GNB4: variants seen among roughly 807,000 people sequenced by gnomAD.
GNB4 encodes the protein guanine nucleotide-binding protein subunit beta-4.
In GNB4, 28 loss-of-function variants were observed where a neutral mutation model predicts 45.2. The observed-to-expected ratio is 0.62, with a 90% CI of 0.46 to 0.85. The LOEUF is 0.85. GNB4 is among the 40% of genes least tolerant of loss of function. GNB4 has a pLI of 0.00. For synonymous variants in GNB4, 132 were observed against 143.7 expected (o/e 0.92, Z 0.58); for missense variants, 321 against 425.4 (o/e 0.75, Z 2.16).
the GNB4 span, chr3:179,464,592 T>C: frequency 3.4e-5 from 48 of 1,410,648 alleles, 1 homozygote; most frequent in South Asian, 5.4e-4. Context: ...TGCAAGTCAC[T>C]CCTACGTCCT....
chr3:179,418,470 CAAAAAAAAAAAAA>C (rs386356535), intron 4 of GNB4, among the ~76,000 whole-genome samples: 4,101 of 95,432 alleles, frequency 0.043, 94 homozygotes, highest in Middle Eastern at 0.11. Context: ...AACTCTGTCT[CAAAAAAAAAAAAA>C]AAAAAGAAAA....
rs758969360 is a variant in GNB4, at chr3:179,414,878, A to G, written c.430+7T>C. ...TGTGGTGGGAAAGAATATTTAGGGA[A>G]GCTCACCTGTGTGACCTGGCAACTC... On this transcript the variant is annotated splice_region_variant and intron_variant, in intron 6 of 9. Transcript: ENST00000232564. 3.2e-6 allele frequency: 5 copies of G among 1,567,388 alleles called. No individual in the cohort carries two copies. The highest frequency in any genetic ancestry group is 4.4e-6 in the Non-Finnish European group (5 of 1,146,988).
chr3:179,503,143 G>T, the GNB4 span, among the ~76,000 whole-genome samples: 1 of 152,142 alleles, frequency 6.6e-6, no homozygotes, highest in Non-Finnish European at 1.5e-5. Context: ...ATCAAATGGT[G>T]CATTTAAGAT....
the GNB4 span, among the ~76,000 whole-genome samples, chr3:179,489,005 AAAAAAAAAAAAAAAATATATATAT>A: frequency 8.4e-4 from 32 of 38,248 alleles, 1 homozygote; most frequent in Non-Finnish European, 1.3e-3. Flanking sequence ...AAAAAAAAAA[AAAAAAAAAAAAAAAATATATATAT>A]ATATATATAT....
the GNB4 span, among the ~76,000 whole-genome samples, chr3:179,477,412 T>C: frequency 6.6e-6 from 1 of 152,220 alleles, no homozygotes; most frequent in African/African-American, 2.4e-5. Flanking sequence ...AATTATGTTT[T>C]CCATAAAGCC....
the GNB4 span, among the ~76,000 whole-genome samples, chr3:179,457,643 T>C: frequency 6.6e-6 from 1 of 152,216 alleles, no homozygotes; most frequent in Non-Finnish European, 1.5e-5. Flanking sequence ...AAGTAGTTAA[T>C]GTGCTCTCAG....
rs569292968 is a variant in GNB4, at chr3:179,419,712, G to A, written c.97-207C>T. Among the ~76,000 whole-genome samples the A allele has an allele frequency of 1.3e-3, 192 of 152,190 alleles. 1 individual carries two copies. The highest frequency in any genetic ancestry group is 4.4e-3 in the African/African-American group (183 of 41,514). On this transcript the variant is annotated intron_variant, in intron 3 of 9. Coordinates refer to ENST00000232564, the MANE Select transcript of GNB4 (RefSeq NM_021629.4). ...TTAGTTTAAAATAATCCTATGTGCT[G>A]TTATAAATAATATACATAAATGTAT...
intron 1 of GNB4, among the ~76,000 whole-genome samples, chr3:179,428,517 A>C (rs1226572868): frequency 1.3e-5 from 2 of 152,178 alleles, no homozygotes. Context: ...ACAGTCCTAG[A>C]AACTCTCATT....
chr3:179,422,583 T>G (rs551349264), intron 2 of GNB4, among the ~76,000 whole-genome samples: 1 of 152,198 alleles, frequency 6.6e-6, no homozygotes, highest in African/African-American at 2.4e-5. Flanking sequence ...AAGATATTTG[T>G]GCAAAAGAAA....
At chr3:179,446,441 T>C (rs912229628) in intron 1 of GNB4, among the ~76,000 whole-genome samples, 3 of 152,248 alleles carry the variant, frequency 2.0e-5, no homozygotes, top group African/African-American at 7.2e-5. Flanking sequence ...TTTTAAGAGA[T>C]CCAAACATTT....
At chr3:179,518,937 C>T in the GNB4 span, among the ~76,000 whole-genome samples, 1 of 152,204 alleles carries the variant, frequency 6.6e-6, no homozygotes, top group Admixed American at 6.5e-5. Context: ...AACCCTGCAA[C>T]AGGACTTAAT....
the GNB4 span, among the ~76,000 whole-genome samples, chr3:179,466,507 G>T: frequency 6.6e-6 from 1 of 152,120 alleles, no homozygotes; most frequent in Non-Finnish European, 1.5e-5. Context: ...CTGCCAGCTG[G>T]TGTTATTCTT....
chr3:179,437,191 G>A (rs1715475319), intron 1 of GNB4, among the ~76,000 whole-genome samples: 1 of 152,046 alleles, frequency 6.6e-6, no homozygotes, highest in South Asian at 2.1e-4. Flanking sequence ...TCATTGTATT[G>A]GCATAACACC....
intron 1 of GNB4, among the ~76,000 whole-genome samples, chr3:179,431,328 G>A (rs1172592360): frequency 1.3e-5 from 2 of 152,108 alleles, no homozygotes; most frequent in Non-Finnish European, 2.9e-5. Context: ...AGGCCGAGGC[G>A]GGTGGATCAC....
At position 179,413,450 on chromosome 3, in the gene GNB4, A is replaced by C. The variant is rs1308318418; in HGVS notation, c.661T>G (p.Ser221Ala). 6.2e-7 allele frequency: 1 copy of C among 1,614,070 alleles called. No homozygotes were observed. The highest frequency in any genetic ancestry group is 1.7e-5 in the Admixed American group (1 of 60,020). ...WDIRDGMCRQ[S>A]FTGHVSDINA... is the part of the protein sequence containing the mutation. ...ATATCTGAGACATGTCCCGTGAAAGACTGTCTACACATTCCATCTCGAATA... is the reference window on the plus strand; with the variant it reads ...ATATCTGAGACATGTCCCGTGAAAGCCTGTCTACACATTCCATCTCGAATA... The change falls in exon 8 of 10, where the codon TCT (serine) becomes GCT (alanine). Residue 221 changes from serine to alanine, a missense_variant. By Grantham distance (99) the Ser-to-Ala change is moderately conservative. Coordinates refer to ENST00000232564, the MANE Select transcript of GNB4 (RefSeq NM_021629.4).
At chr3:179,401,529 G>C (rs1455640515) in intron 9 of GNB4, among the ~76,000 whole-genome samples, 1 of 152,076 alleles carries the variant, frequency 6.6e-6, no homozygotes, top group Non-Finnish European at 1.5e-5. Context: ...TTATAAATTT[G>C]GATTATTTGA....
chr3:179,488,086 G>C, the GNB4 span, among the ~76,000 whole-genome samples: 1 of 150,996 alleles, frequency 6.6e-6, no homozygotes, highest in African/African-American at 2.4e-5. Context: ...CTCATCCACT[G>C]ACAGACACTG....
At chr3:179,464,155 G>A in the GNB4 span, among the ~76,000 whole-genome samples, 1 of 152,076 alleles carries the variant, frequency 6.6e-6, no homozygotes, top group Non-Finnish European at 1.5e-5. Flanking sequence ...TCTGGGCCAA[G>A]GGCATTCCAA....
chr3:179,468,035 A>AAAAAAAAATATATATATATATATATAT, the GNB4 span, among the ~76,000 whole-genome samples: 116 of 89,838 alleles, frequency 1.3e-3, 4 homozygotes, highest in African/African-American at 4.4e-3. Context: ...TGTTGATAAA[A>AAAAAAAAATATATATATATATATATAT]ATATATATAT....
Sources: gnomAD v4.1 joint callset for allele counts (sites outside exome capture counted in the v4.1 genomes callset) on GRCh38, gnomAD v4.1.1 for gene constraint, MANE v1.5 for transcripts, NCBI Gene and HGNC (gene_info 2026-07-23, HGNC 2026-07-21) for gene names.